ADGRG7: variants seen among roughly 807,000 people sequenced by gnomAD.
ADGRG7 encodes the protein G-protein coupled receptor 128.
Under a neutral mutation model 88.6 loss-of-function variants are expected in ADGRG7, and 82 were observed. That is an observed-to-expected ratio of 0.93 (90% CI 0.77 to 1.11). ADGRG7 has a LOEUF of 1.11. ADGRG7 is among the 50% of genes most tolerant of loss of function. ADGRG7 has a pLI of 0.00. For synonymous variants in ADGRG7, 381 were observed against 345.2 expected (o/e 1.10, Z -1.15); for missense variants, 945 against 953.4 (o/e 0.99, Z 0.12).
chr3:100,628,249 C>A (rs1707408805), intron 1 of ADGRG7, among the ~76,000 whole-genome samples: 1 of 152,102 alleles, frequency 6.6e-6, no homozygotes, highest in African/African-American at 2.4e-5. Flanking sequence ...CTGTCCAATG[C>A]CTTCAAGTAG....
At chr3:100,622,899 GTCACCATGCCCGGA>G in intron 1 of ADGRG7, among the ~76,000 whole-genome samples, 1 of 151,040 alleles carries the variant, frequency 6.6e-6, no homozygotes, top group African/African-American at 2.4e-5. Context: ...ACAGGCATGC[GTCACCATGCCCGGA>G]AAATTTTTGT....
intron 14 of ADGRG7, among the ~76,000 whole-genome samples, chr3:100,665,953 T>G (rs931695407): frequency 6.6e-6 from 1 of 152,158 alleles, no homozygotes; most frequent in South Asian, 2.1e-4. Context: ...AACTTAATGG[T>G]GAAAAATGAC....
rs148598523 is a variant in ADGRG7, at chr3:100,689,729, T to G, written c.2137-5015T>G. On this transcript the variant is annotated intron_variant, in intron 15 of 15. Transcript: ENST00000273352. The stretch of plus-strand genomic sequence containing the variant: ...CCACTCTCTTCTGGCTTGCAGAGTT[T>G]CTGCCGAGAGATGTGCTGTTAGTCT... Among the ~76,000 whole-genome samples the G allele has an allele frequency of 6.0e-3, 917 of 152,356 alleles. 14 individuals carry two copies. Among genetic ancestry groups the G allele is most frequent in the African/African-American group, 0.021 (873 of 41,582 alleles).
At chr3:100,684,022 A>G (rs1431596630) in intron 15 of ADGRG7, among the ~76,000 whole-genome samples, 1 of 152,138 alleles carries the variant, frequency 6.6e-6, no homozygotes, top group African/African-American at 2.4e-5. Context: ...TCTGTGGAGC[A>G]TTATACCTCT....
At chr3:100,686,617 A>C (rs558259080) in intron 15 of ADGRG7, among the ~76,000 whole-genome samples, 1 of 152,168 alleles carries the variant, frequency 6.6e-6, no homozygotes, top group African/African-American at 2.4e-5. Context: ...TCCCAGCACT[A>C]TTTATTAAAT....
intron 13 of ADGRG7, among the ~76,000 whole-genome samples, chr3:100,658,138 A>G (rs2094940098): frequency 6.6e-6 from 1 of 152,136 alleles, no homozygotes; most frequent in Non-Finnish European, 1.5e-5. Flanking sequence ...TAGTAATTCT[A>G]TCCTTCTAGG....
At chr3:100,688,288 T>C (rs2094986763) in intron 15 of ADGRG7, among the ~76,000 whole-genome samples, 2 of 152,224 alleles carry the variant, frequency 1.3e-5, no homozygotes, top group African/African-American at 2.4e-5. Flanking sequence ...TTAGTCTTGC[T>C]AGTGGTCTAT....
intron 15 of ADGRG7, among the ~76,000 whole-genome samples, chr3:100,677,293 A>G (rs953883584): frequency 2.0e-5 from 3 of 152,088 alleles, no homozygotes; most frequent in African/African-American, 7.2e-5. Context: ...TATTTTATAA[A>G]CCATTATTTT....
At chr3:100,651,609 C>T (rs2094929426) in intron 11 of ADGRG7, among the ~76,000 whole-genome samples, 1 of 151,816 alleles carries the variant, frequency 6.6e-6, no homozygotes, top group African/African-American at 2.4e-5. Context: ...TTTGGGAGGC[C>T]AAGGCAGGAG....
intron 5 of ADGRG7, among the ~76,000 whole-genome samples, chr3:100,636,157 G>T (rs965753199): frequency 7.9e-5 from 12 of 152,228 alleles, no homozygotes; most frequent in African/African-American, 2.9e-4. Flanking sequence ...TGGATTCAGG[G>T]GTTCAAGTGA....
chr3:100,660,276 C>T (rs1231331775), intron 14 of ADGRG7, among the ~76,000 whole-genome samples: 1 of 152,148 alleles, frequency 6.6e-6, no homozygotes, highest in Non-Finnish European at 1.5e-5. Context: ...TTGAATTACA[C>T]AATAGCACTA....
chr3:100,619,705 AT>A (rs1405511352), intron 1 of ADGRG7, among the ~76,000 whole-genome samples: 2 of 152,204 alleles, frequency 1.3e-5, no homozygotes. Context: ...AATAGATGCA[AT>A]AAAAAATGAT....
chr3:100,678,866 CCCTTGTGGCCA>C (rs2149038998), intron 15 of ADGRG7, among the ~76,000 whole-genome samples: 1 of 152,298 alleles, frequency 6.6e-6, no homozygotes, highest in South Asian at 2.1e-4. Flanking sequence ...GACACAAGTA[CCCTTGTGGCCA>C]CCACCACTGG....
intron 15 of ADGRG7, among the ~76,000 whole-genome samples, chr3:100,670,450 T>C (rs917533058): frequency 1.3e-5 from 2 of 152,244 alleles, no homozygotes; most frequent in African/African-American, 4.8e-5. Flanking sequence ...TTGGCTATTA[T>C]GAATAGTGCT....
intron 1 of ADGRG7, among the ~76,000 whole-genome samples, chr3:100,621,474 C>G (rs1331732119): frequency 6.6e-6 from 1 of 152,142 alleles, no homozygotes; most frequent in South Asian, 2.1e-4. Context: ...TTTGAGTGGT[C>G]TGGATGGAAG....
chr3:100,611,229 T>TTTTG (rs1273241824), intron 1 of ADGRG7, among the ~76,000 whole-genome samples: 1 of 149,844 alleles, frequency 6.7e-6, no homozygotes, highest in Non-Finnish European at 1.5e-5. Flanking sequence ...CTTCACAAAG[T>TTTTG]TTTGTTTGTT....
chr3:100,659,783 T>C lies in ADGRG7; in HGVS notation c.1919T>C (p.Val640Ala). The C allele has an allele frequency of 6.2e-7, 1 of 1,614,128 alleles. No individual in the cohort carries two copies. The highest frequency in any genetic ancestry group is 8.5e-7 in the Non-Finnish European group (1 of 1,179,980). Residue 640 changes from valine to alanine, a missense_variant, in exon 14 of 16, where the codon GTT (valine) becomes GCT (alanine). Physicochemically the swap from Val to Ala is moderately conservative, Grantham distance 64. Transcript: ENST00000273352. ...GTAACCATTATCCTCATCAGCAATGTTGTTATGTTTATTACAATCTCGATC... is the reference window on the plus strand; with the variant it reads ...GTAACCATTATCCTCATCAGCAATGCTGTTATGTTTATTACAATCTCGATC... Reference protein sequence around the residue: ...VPVTIILISNVVMFITISIKV... With the variant: ...VPVTIILISNAVMFITISIKV...
At chr3:100,620,805 T>C (rs893350041) in intron 1 of ADGRG7, among the ~76,000 whole-genome samples, 1 of 151,676 alleles carries the variant, frequency 6.6e-6, no homozygotes, top group East Asian at 1.9e-4. Context: ...CAGACACACC[T>C]TGTTTTATTG....
intron 1 of ADGRG7, among the ~76,000 whole-genome samples, chr3:100,626,363 T>A (rs1041562995): frequency 4.6e-5 from 7 of 152,378 alleles, no homozygotes; most frequent in African/African-American, 1.7e-4. Flanking sequence ...ATCCGCTTGT[T>A]AATTTCTATA....
Sources: allele counts gnomAD v4.1 joint callset (sites outside exome capture counted in the v4.1 genomes callset), GRCh38; gene constraint gnomAD v4.1.1; transcripts MANE v1.5; gene names NCBI Gene and HGNC (gene_info 2026-07-23, HGNC 2026-07-21).